FRMPD1: variants seen among roughly 807,000 people sequenced by gnomAD.
FRMPD1 encodes FERM and PDZ domain containing 1, also known as FERM and PDZ domain-containing protein 1.
Under a neutral mutation model 117.8 loss-of-function variants are expected in FRMPD1, and 76 were observed. The ratio of observed to expected loss-of-function variants is 0.65; its 90% CI spans 0.54 to 0.78. The LOEUF is 0.78. FRMPD1 is among the 30% of genes least tolerant of loss of function. The probability of loss-of-function intolerance (pLI) is 0.00; values close to 1 mark genes in which losing one functional copy is unlikely to be tolerated. For synonymous variants in FRMPD1, 783 were observed against 770.4 expected (o/e 1.02, Z -0.27); for missense variants, 1,786 against 1,964.5 (o/e 0.91, Z 1.72).
upstream of FRMPD1, among the ~76,000 whole-genome samples, chr9:37,649,230 A>G (rs1038021248): frequency 6.6e-6 from 1 of 152,240 alleles, no homozygotes; most frequent in Non-Finnish European, 1.5e-5. Context: ...ATCTTTATCT[A>G]CAAAATAATT....
In FRMPD1 at chr9:37,698,667, T is replaced by G. The variant is rs141976726; in HGVS notation, c.101+5925T>G. 3.5e-3 allele frequency among the ~76,000 whole-genome samples: 531 copies of G among 150,882 alleles called. 2 individuals are homozygous for G. The highest frequency in any genetic ancestry group is 0.012 in the African/African-American group (502 of 41,092). On this transcript the variant is annotated intron_variant, in intron 2 of 15. Coordinates refer to ENST00000377765, the MANE Select transcript of FRMPD1 (RefSeq NM_014907.3). Reference sequence around the variant, plus strand: ...ACCTCCACCTCCTGGGTTCAAGAGATTCTCCTGCCTCAGTCGCCCGCGTAG... The same window carrying G: ...ACCTCCACCTCCTGGGTTCAAGAGAGTCTCCTGCCTCAGTCGCCCGCGTAG...
chr9:37,740,507 A>G lies in FRMPD1; in HGVS notation c.1979A>G (p.Asp660Gly), dbSNP rs1309735290. Residue 660 changes from aspartate to glycine, a missense_variant, in exon 15 of 16, where the codon GAC becomes GGC. Asp to Gly is a moderately conservative substitution (Grantham distance 94). Transcript: ENST00000377765. This position sits in a 1 kb window ranked among gnomAD's most constrained non-coding sequence, Gnocchi z 4.2. ...ACCAGTGGCTTCCTCTGTCTCCTGG[A>G]CCTGGCCCAGAGAGCCAACCCCCAG... is the stretch of plus-strand genomic sequence containing the variant. Reference protein sequence around the residue: ...IETSGFLCLLDLAQRANPQCQ... With the variant: ...IETSGFLCLLGLAQRANPQCQ... 3.7e-6 allele frequency: 6 copies of G among 1,614,142 alleles called. No individual in the cohort carries two copies. Among genetic ancestry groups the G allele is most frequent in the Non-Finnish European group, 4.2e-6 (5 of 1,179,988 alleles).
chr9:37,717,331 A>ATG (rs1157491514), intron 5 of FRMPD1, among the ~76,000 whole-genome samples: 110 of 108,574 alleles, frequency 1.0e-3, no homozygotes, highest in Middle Eastern at 4.4e-3. Flanking sequence ...GTGTGTGTGT[A>ATG]TGTGTATATA....
chr9:37,688,707 A>G (rs1822032727), intron 1 of FRMPD1, among the ~76,000 whole-genome samples: 1 of 152,148 alleles, frequency 6.6e-6, no homozygotes, highest in South Asian at 2.1e-4. Flanking sequence ...ATACCATATA[A>G]CCATTTTAAA....
At chr9:37,711,638 A>G (rs1192495488) in intron 5 of FRMPD1, among the ~76,000 whole-genome samples, 1 of 152,218 alleles carries the variant, frequency 6.6e-6, no homozygotes, top group Non-Finnish European at 1.5e-5. Context: ...AGATGGACCT[A>G]TGGCTATGCA....
At position 37,731,071 on chromosome 9, in the gene FRMPD1, G is replaced by T; in HGVS notation, c.826G>T (p.Asp276Tyr). 6.2e-7 allele frequency: 1 copy of T among 1,613,670 alleles called. No individual in the cohort carries two copies. Among genetic ancestry groups the T allele is most frequent in the Middle Eastern group, 1.7e-4 (1 of 6,046 alleles). Residue 276 changes from aspartate to tyrosine, a missense_variant, in exon 9 of 16, where the codon GAC becomes TAC. Coordinates refer to ENST00000377765, the MANE Select transcript of FRMPD1 (RefSeq NM_014907.3). ...PKDPLDLLKE[D>Y]PVAFEYLYLQ... ...GGACCCCCTGGACCTCCTGAAAGAAGACCCCGTGGCCTTTGAATACCTCTA... is the reference window on the plus strand; with the variant it reads ...GGACCCCCTGGACCTCCTGAAAGAATACCCCGTGGCCTTTGAATACCTCTA...
chr9:37,613,596 G>A, the FRMPD1 span, among the ~76,000 whole-genome samples: 104 of 152,240 alleles, frequency 6.8e-4, no homozygotes, highest in South Asian at 6.0e-3. Context: ...TGTTCCTAGC[G>A]TTCTCTGAAG....
intron 5 of FRMPD1, among the ~76,000 whole-genome samples, chr9:37,715,222 T>G (rs780623825): frequency 5.9e-5 from 9 of 152,342 alleles, no homozygotes; most frequent in Non-Finnish European, 1.0e-4. Flanking sequence ...TTTATTGTCT[T>G]ATTTAATTTG....
Position 37,719,110 on chromosome 9 carries a change from C to T in FRMPD1, c.450C>T (p.Ala150=). The T allele has an allele frequency of 6.2e-7, 1 of 1,613,666 alleles. No individual in the cohort carries two copies. The change falls in exon 6 of 16, where the codon GCC becomes GCT. Residue 150 remains alanine, a synonymous_variant. Coordinates refer to ENST00000377765, the MANE Select transcript of FRMPD1 (RefSeq NM_014907.3). ...CCTTCCTGACCGAGGAGAAGAGAGCCAGACTGAAGACCAACCCCGTGAAGG... is the reference window on the plus strand; with the variant it reads ...CCTTCCTGACCGAGGAGAAGAGAGCTAGACTGAAGACCAACCCCGTGAAGG... ...KSSFLTEEKR[A]RLKTNPVKVH...
At chr9:37,667,712 C>T (rs1821210554) in intron 1 of FRMPD1, among the ~76,000 whole-genome samples, 1 of 150,638 alleles carries the variant, frequency 6.6e-6, no homozygotes, top group African/African-American at 2.4e-5. Context: ...AGAAGGTTAC[C>T]CCTGTGCTTA....
At chr9:37,676,913 G>A (rs558867423) in intron 1 of FRMPD1, among the ~76,000 whole-genome samples, 2 of 152,234 alleles carry the variant, frequency 1.3e-5, no homozygotes, top group Admixed American at 1.3e-4. Context: ...TCTATAACAC[G>A]ATGAACACCC....
chr9:37,740,009 CAG>C lies in FRMPD1; in HGVS notation c.1550-68_1550-67del, dbSNP rs1190032352. On this transcript the variant is annotated intron_variant, in intron 14 of 15. Transcript: ENST00000377765. The surrounding 1 kb of genome is among the most constrained non-coding windows in gnomAD (Gnocchi z 4.2). The stretch of plus-strand genomic sequence containing the variant: ...TCGTCTGGCAGGGTTGGGTGGGGGT[CAG>C]GGGGCTAGAAGGACACATAGGTAGG... The C allele has an allele frequency of 3.3e-6, 4 of 1,205,788 alleles. No individual in the cohort carries two copies. Among genetic ancestry groups the C allele is most frequent in the Admixed American group, 2.2e-5 (1 of 46,278 alleles). The allele number at this position is 1,205,788 out of a possible 1,614,324, so 74.7% of individuals were successfully genotyped here. A position where few individuals can be genotyped will look rare whatever the true frequency, so the allele number is the denominator to read the frequency against.
At chr9:37,633,718 G>T in the FRMPD1 span, among the ~76,000 whole-genome samples, 35 of 152,278 alleles carry the variant, frequency 2.3e-4, 1 homozygote, top group South Asian at 7.1e-3. Flanking sequence ...AAAATTAGCT[G>T]GGCATGGTAG....
At chr9:37,687,576 T>G (rs911957123) in intron 1 of FRMPD1, among the ~76,000 whole-genome samples, 1 of 152,234 alleles carries the variant, frequency 6.6e-6, no homozygotes. Flanking sequence ...TGTTCTTCTG[T>G]CTTCTGTGTT....
At chr9:37,690,731 A>G (rs1205534286) in intron 1 of FRMPD1, among the ~76,000 whole-genome samples, 1 of 152,186 alleles carries the variant, frequency 6.6e-6, no homozygotes, top group Admixed American at 6.5e-5. Context: ...GTGTTGCTAT[A>G]TAATATCACA....
chr9:37,607,612 G>A, the FRMPD1 span, among the ~76,000 whole-genome samples: 1 of 152,092 alleles, frequency 6.6e-6, no homozygotes, highest in Non-Finnish European at 1.5e-5. Context: ...AAGCATTTTT[G>A]GATTGTTTGA....
chr9:37,608,543 A>G, the FRMPD1 span, among the ~76,000 whole-genome samples: 2 of 147,624 alleles, frequency 1.4e-5, no homozygotes, highest in Non-Finnish European at 3.0e-5. Flanking sequence ...TGGTCTCACT[A>G]TGTTGCCCAG....
At chr9:37,701,334 T>C (rs1822522240) in intron 2 of FRMPD1, among the ~76,000 whole-genome samples, 1 of 152,224 alleles carries the variant, frequency 6.6e-6, no homozygotes, top group Admixed American at 6.5e-5. Context: ...TGGTTCTTGC[T>C]ACACAAACTA....
intron 2 of FRMPD1, among the ~76,000 whole-genome samples, chr9:37,698,288 C>CT (rs1161596313): frequency 2.0e-5 from 3 of 152,110 alleles, no homozygotes; most frequent in African/African-American, 7.2e-5. Context: ...TTAGTATATG[C>CT]TAGGAGATGA....
Sources: allele counts gnomAD v4.1 joint callset (sites outside exome capture counted in the v4.1 genomes callset), GRCh38; gene constraint gnomAD v4.1.1; non-coding constraint Gnocchi (gnomAD v3.1); transcripts MANE v1.5; gene names NCBI Gene and HGNC (gene_info 2026-07-23, HGNC 2026-07-21).